Variants in FARSA observed in about 807,000 individuals in gnomAD.
The protein encoded by FARSA is phenylalanine--tRNA ligase alpha subunit.
FARSA carries 37 observed loss-of-function variants against 63.2 expected under a neutral mutation model. The observed-to-expected ratio is 0.59, with a 90% CI of 0.45 to 0.77. The LOEUF (loss-of-function observed/expected upper bound fraction) is 0.77. Among genes scored for constraint, FARSA ranks in the 30% least tolerant of loss-of-function variants. FARSA has a pLI of 0.00. For missense variants in FARSA, 618 were observed against 696.6 expected (o/e 0.89, Z 1.27); for synonymous variants, 312 against 285.1 (o/e 1.09, Z -0.95).
intron 7 of FARSA, 118 bp from the exon 8 acceptor site, chr19:12,925,292 T>G: frequency 1.3e-6 from 1 of 742,354 alleles, no homozygotes; most frequent in Non-Finnish European, 2.3e-6. Flanking sequence ...CTGGGCTTAC[T>G]GCAACCTCTG....
rs180799050 is a variant in FARSA at position 12,926,565 on chromosome 19, G to A, written c.842-1391C>T. Among the ~76,000 whole-genome samples, 261 of 152,184 alleles carry A rather than the reference G, an allele frequency of 1.7e-3. 2 individuals are homozygous for A. Among genetic ancestry groups the A allele is most frequent in the Admixed American group, 3.4e-3 (52 of 15,276 alleles). On this transcript the variant is annotated intron_variant, in intron 7 of 12. Coordinates refer to ENST00000314606, the MANE Select transcript of FARSA (RefSeq NM_004461.3). ...TGGGATTACAGGCGTGAGCCACCGC[G>A]CCCGGCCTAAAGAGACAAAGTCTTG... is the stretch of plus-strand genomic sequence containing the variant.
intron 12 of FARSA, among the ~76,000 whole-genome samples, chr19:12,923,349 G>A (rs569583749): frequency 5.3e-5 from 8 of 152,280 alleles, no homozygotes; most frequent in African/African-American, 1.9e-4. Context: ...AGGGTGGAGT[G>A]CAGTGGCGTA....
Position 12,933,670 on chromosome 19 carries a change from C to T in FARSA, c.27G>A (p.Leu9=), listed in dbSNP as rs1285455879. The change falls in exon 1 of 13, where the codon CTG becomes CTA. Residue 9 remains leucine, a synonymous_variant. Transcript: ENST00000314606. ...CAGACGCCTCCAGCCGCCGGAGCAG[C>T]AGTTCCGCCACCTGACCATCCGCCA... is the stretch of plus-strand genomic sequence containing the variant. The part of the protein sequence containing the change: MADGQVAE[L]LLRRLEASDG... 3.8e-6 allele frequency: 6 copies of T among 1,571,030 alleles called. No individual in the cohort carries two copies. Among genetic ancestry groups the T allele is most frequent in the Non-Finnish European group, 4.3e-6 (5 of 1,162,318 alleles).
At chr19:12,930,780 CAG>C (rs1568445662) in intron 1 of FARSA, 31 bp from the exon 2 acceptor site, 4 of 1,601,306 alleles carry the variant, frequency 2.5e-6, no homozygotes, top group Non-Finnish European at 3.4e-6. Context: ...GGTGTCCAGG[CAG>C]GGGTGAGGCT....
Position 12,924,814 on chromosome 19 carries a change from G to A in FARSA, c.1027-7C>T, listed in dbSNP as rs757585686. The A allele has an allele frequency of 1.2e-6, 2 of 1,610,904 alleles. No homozygotes were observed. Among genetic ancestry groups the A allele is most frequent in the Non-Finnish European group, 1.7e-6 (2 of 1,177,794 alleles). On this transcript the variant is annotated splice_region_variant and splice_polypyrimidine_tract_variant and intron_variant, in intron 9 of 12. Transcript: ENST00000314606. The surrounding 1 kb of genome is among the most constrained non-coding windows in gnomAD (Gnocchi z 6.4). The stretch of plus-strand genomic sequence containing the variant: ...TGACCGGAGTGAAGGGCTTCTAGGG[G>A]TGACAACCGAGCCAGGCCCAGGTAT...
At chr19:12,925,830 C>T (rs1971320777) in intron 7 of FARSA, among the ~76,000 whole-genome samples, 1 of 151,694 alleles carries the variant, frequency 6.6e-6, no homozygotes, top group Non-Finnish European at 1.5e-5. Flanking sequence ...TGCACCACCA[C>T]ACACAGCTAA....
chr19:12,929,808 GC>G (rs1389467660), intron 4 of FARSA, among the ~76,000 whole-genome samples: 1 of 152,178 alleles, frequency 6.6e-6, no homozygotes, highest in East Asian at 1.9e-4. Flanking sequence ...TGAGAGGACG[GC>G]CCCTAGCCCA....
chr19:12,924,508 A>C lies in FARSA; in HGVS notation c.1214T>G (p.Phe405Cys), dbSNP rs911946533. ...TGTGTATGGGTTGTAGGCTGGCTTG[A>C]AGCGGAGTTGCGTGATACCTGCAGG... ...FTKLGITQLR[F>C]KPAYNPYTEP... Residue 405 changes from phenylalanine to cysteine, a missense_variant, in exon 11 of 13, where the codon TTC becomes TGC. Transcript: ENST00000314606. The surrounding 1 kb of genome is among the most constrained non-coding windows in gnomAD (Gnocchi z 6.4). The C allele has an allele frequency of 6.2e-7, 1 of 1,613,542 alleles. No homozygotes were observed. Among genetic ancestry groups the C allele is most frequent in the Non-Finnish European group, 8.5e-7 (1 of 1,180,004 alleles).
Position 12,924,650 on chromosome 19 carries a change from A to G in FARSA, c.1184T>C (p.Phe395Ser). 1 of 1,602,162 alleles carries G rather than the reference A, an allele frequency of 6.2e-7. No homozygotes were observed. ...GCCCCCCTGCTCACCCAGCTTGGTGAAGAACTCCCGCAGAACGCCCATGAG... is the reference window on the plus strand; with the variant it reads ...GCCCCCCTGCTCACCCAGCTTGGTGGAGAACTCCCGCAGAACGCCCATGAG... The part of the protein sequence containing the change: ...GHLMGVLREF[F>S]TKLGITQLRF... The change falls in exon 10 of 13, where the codon TTC (phenylalanine) becomes TCC (serine). Residue 395 changes from phenylalanine to serine, a missense_variant. Physicochemically the swap from Phe to Ser is radical, Grantham distance 155 (BLOSUM62 -2). Transcript: ENST00000314606. This position sits in a 1 kb window ranked among gnomAD's most constrained non-coding sequence, Gnocchi z 6.4.
chr19:12,927,001 C>T (rs1245482908), intron 7 of FARSA, among the ~76,000 whole-genome samples: 1 of 152,208 alleles, frequency 6.6e-6, no homozygotes, highest in Admixed American at 6.5e-5. Flanking sequence ...TAAGCCGGCA[C>T]CCAATGACCT....
Position 12,928,370 on chromosome 19 carries a change from A to G in FARSA, c.813T>C (p.Arg271=), listed in dbSNP as rs759259970. Residue 271 remains arginine, a synonymous_variant, in exon 7 of 13, where the codon CGT becomes CGC. Coordinates refer to ENST00000314606, the MANE Select transcript of FARSA (RefSeq NM_004461.3). ...ALFQPQQHPA[R]DQHDTFFLRD... ...GAAGGAAGAAGGTGTCGTGCTGGTC[A>G]CGGGCTGGGTGCTGCTGGGGCTGGA... 7.1e-5 allele frequency: 115 copies of G among 1,613,970 alleles called. No individual in the cohort carries two copies. Among genetic ancestry groups the G allele is most frequent in the Non-Finnish European group, 9.2e-5 (109 of 1,180,020 alleles).
intron 1 of FARSA, among the ~76,000 whole-genome samples, chr19:12,932,619 C>T (rs1337380763): frequency 6.6e-6 from 1 of 152,190 alleles, no homozygotes; most frequent in African/African-American, 2.4e-5. Context: ...ACATGGCCAT[C>T]AGCCAGGATT....
intron 1 of FARSA, among the ~76,000 whole-genome samples, chr19:12,932,414 G>A (rs1430910267): frequency 1.3e-5 from 2 of 152,002 alleles, no homozygotes; most frequent in Non-Finnish European, 2.9e-5. Context: ...AACCCTCTGT[G>A]ACGTATACAA....
rs756513794 is a variant in FARSA at position 12,924,709 on chromosome 19, G to A, written c.1125C>T (p.Gly375=). 1.7e-5 allele frequency: 27 copies of A among 1,595,640 alleles called. No homozygotes were observed. In the South Asian group the frequency reaches 2.1e-4, roughly 13 times the overall value. Residue 375 remains glycine (G), a synonymous_variant, in exon 10 of 13, where the codon GGC becomes GGT. Coordinates refer to ENST00000314606, the MANE Select transcript of FARSA (RefSeq NM_004461.3). The surrounding 1 kb of genome is among the most constrained non-coding windows in gnomAD (Gnocchi z 6.4). The stretch of plus-strand genomic sequence containing the variant: ...AGGTGAGACCATGATCCGCCACCAC[G>A]CCCTCGATCTGGTGGAACTCAGCCA... ...THLAEFHQIE[G]VVADHGLTLG... is the part of the protein sequence containing the mutation.
intron 12 of FARSA, among the ~76,000 whole-genome samples, chr19:12,923,232 G>A (rs910272792): frequency 6.6e-6 from 1 of 152,140 alleles, no homozygotes; most frequent in South Asian, 2.1e-4. Flanking sequence ...CACTGACCAC[G>A]TAGTTGCCTT....
chr19:12,931,326 C>A (rs996942434), intron 1 of FARSA, among the ~76,000 whole-genome samples: 2 of 151,886 alleles, frequency 1.3e-5, no homozygotes, highest in African/African-American at 4.8e-5. Context: ...TGCAATGGTG[C>A]GATCTCGGTT....
At position 12,924,272 on chromosome 19, in the gene FARSA, A is replaced by G; in HGVS notation, c.1274-7T>C. 1 of 1,612,136 alleles carries G rather than the reference A, an allele frequency of 6.2e-7. No individual in the cohort carries two copies. On this transcript the variant is annotated splice_region_variant and splice_polypyrimidine_tract_variant and intron_variant, in intron 11 of 12. Coordinates refer to ENST00000314606, the MANE Select transcript of FARSA (RefSeq NM_004461.3). This position sits in a 1 kb window ranked among gnomAD's most constrained non-coding sequence, Gnocchi z 6.4. ...TCCACCCACTTCTTCAGGCCTGCAG[A>G]GGCAGGACAGAAAAGACGGGCAGTG... is the stretch of plus-strand genomic sequence containing the variant.
chr19:12,933,645 C>G lies in FARSA; in HGVS notation c.52G>C (p.Asp18His), dbSNP rs1971420113. ...AACTCGGCGCTGTCCAGGCCGCCAT[C>G]AGACGCCTCCAGCCGCCGGAGCAGC... ...ELLLRRLEASDGGLDSAELAA... is the reference protein window; with the variant it reads ...ELLLRRLEASHGGLDSAELAA... Residue 18 changes from aspartate (D) to histidine (H), a missense_variant, in exon 1 of 13, where the codon GAT (aspartate) becomes CAT (histidine). Coordinates refer to ENST00000314606, the MANE Select transcript of FARSA (RefSeq NM_004461.3). The G allele has an allele frequency of 1.3e-6, 2 of 1,564,976 alleles. No individual in the cohort carries two copies. The highest frequency in any genetic ancestry group is 4.7e-5 in the East Asian group (2 of 42,340).
rs1971298583 is a variant in FARSA at position 12,924,219 on chromosome 19, T to C, written c.1320A>G (p.Pro440=). 6.2e-7 allele frequency: 1 copy of C among 1,614,182 alleles called. No individual in the cohort carries two copies. Among genetic ancestry groups the C allele is most frequent in the Admixed American group, 1.7e-5 (1 of 60,012 alleles). Residue 440 remains proline (P), a synonymous_variant, in exon 12 of 13, where the codon CCA becomes CCG. Coordinates refer to ENST00000314606, the MANE Select transcript of FARSA (RefSeq NM_004461.3). The surrounding 1 kb of genome is among the most constrained non-coding windows in gnomAD (Gnocchi z 6.4). The part of the protein sequence containing the change: ...VEVGNSGVFR[P]EMLLPMGLPE... ...GAAGCCCCATGGGCAGCAGCATCTC[T>C]GGACGGAAGACCCCCGAGTTTCCGA... is the stretch of plus-strand genomic sequence containing the variant.
Sources: allele counts gnomAD v4.1 joint callset (sites outside exome capture counted in the v4.1 genomes callset), GRCh38; gene constraint gnomAD v4.1.1; non-coding constraint Gnocchi (gnomAD v3.1); transcripts MANE v1.5; gene names NCBI Gene and HGNC (gene_info 2026-07-23, HGNC 2026-07-21).